Variants in WWOX observed in about 807,000 individuals in gnomAD.
WWOX encodes the protein WW domain-containing oxidoreductase.
Under a neutral mutation model 46.2 loss-of-function variants are expected in WWOX, and 69 were observed. The observed-to-expected ratio is 1.49, with a 90% CI of 1.23 to 1.82. WWOX has a LOEUF of 1.82. WWOX is among the 40% of genes most tolerant of loss of function. The probability of loss-of-function intolerance (pLI) is 0.00; values close to 1 mark genes in which losing one functional copy is unlikely to be tolerated. For synonymous variants in WWOX, 359 were observed against 202.6 expected (o/e 1.77, Z -6.56); for missense variants, 919 against 542.6 (o/e 1.69, Z -6.89).
intron 8 of WWOX, among the ~76,000 whole-genome samples, chr16:79,196,150 T>C (rs1174872535): frequency 6.6e-6 from 1 of 152,214 alleles, no homozygotes; most frequent in African/African-American, 2.4e-5. Flanking sequence ...TGAGCAAAAA[T>C]CATCCTCTTC....
chr16:78,593,270 G>T (rs1043511308), intron 8 of WWOX, among the ~76,000 whole-genome samples: 1 of 151,894 alleles, frequency 6.6e-6, no homozygotes, highest in African/African-American at 2.4e-5. Flanking sequence ...TAAACTCCTG[G>T]CCTCAAGCAA....
chr16:78,429,959 A>G (rs1889283040), intron 7 of WWOX, among the ~76,000 whole-genome samples: 1 of 152,026 alleles, frequency 6.6e-6, no homozygotes, highest in Non-Finnish European at 1.5e-5. Context: ...GGTATTGCAG[A>G]CTCCAGCACC....
intron 5 of WWOX, among the ~76,000 whole-genome samples, chr16:78,292,133 C>G (rs2079870453): frequency 6.8e-6 from 1 of 146,208 alleles, no homozygotes; most frequent in South Asian, 2.2e-4. Flanking sequence ...GTGGTGCAAT[C>G]TCAGCTCATT....
intron 5 of WWOX, among the ~76,000 whole-genome samples, chr16:78,186,703 TGCAGTGA>T (rs1170164161): frequency 6.6e-6 from 1 of 152,236 alleles, no homozygotes; most frequent in Non-Finnish European, 1.5e-5. Context: ...AGGCAGAGGT[TGCAGTGA>T]GCCAAGATCG....
chr16:78,906,267 G>C (rs562371115), intron 8 of WWOX, among the ~76,000 whole-genome samples: 8 of 152,298 alleles, frequency 5.3e-5, no homozygotes, highest in African/African-American at 1.9e-4. Flanking sequence ...GAAGAAGTAG[G>C]AGGCATAGCC....
chr16:78,381,647 A>G (rs892785654), intron 5 of WWOX, among the ~76,000 whole-genome samples: 3 of 152,212 alleles, frequency 2.0e-5, no homozygotes, highest in Admixed American at 1.3e-4. Context: ...AGAAGGAAGA[A>G]TGAAGATTTG....
At chr16:78,564,122 C>T (rs1404808620) in intron 8 of WWOX, among the ~76,000 whole-genome samples, 2 of 152,236 alleles carry the variant, frequency 1.3e-5, no homozygotes. Context: ...TTGCTGACAG[C>T]AGACACCTGC....
chr16:78,763,956 C>T (rs1168615691), intron 8 of WWOX, among the ~76,000 whole-genome samples: 1 of 152,192 alleles, frequency 6.6e-6, no homozygotes, highest in Non-Finnish European at 1.5e-5. Context: ...AAGCCCCACT[C>T]TCCCTCTGCC....
intron 8 of WWOX, among the ~76,000 whole-genome samples, chr16:78,445,068 G>C (rs2083528525): frequency 6.6e-6 from 1 of 152,044 alleles, no homozygotes; most frequent in Admixed American, 6.5e-5. Flanking sequence ...TAGTGAGCCA[G>C]GTGAGCTCAT....
chr16:78,340,089 C>T lies in WWOX; in HGVS notation c.517-46771C>T, dbSNP rs146398387. On this transcript the variant is annotated intron_variant, in intron 5 of 8. Transcript: ENST00000566780. ...TATTCTTGTTTCATGGATGATGTTA[C>T]TCTTTTAACTCTCTGATGTTAATGA... Among the ~76,000 whole-genome samples, 8 of 94,020 alleles carry T rather than the reference C, an allele frequency of 8.5e-5. No homozygotes were observed. The East Asian group carries it at 2.0e-3, about 24-fold the overall frequency. The allele number at this position is 94,020 out of a possible 152,430, so 61.7% of individuals were successfully genotyped here.
chr16:78,106,780 C>A (rs1338123187), intron 1 of WWOX, among the ~76,000 whole-genome samples: 1 of 152,170 alleles, frequency 6.6e-6, no homozygotes, highest in Non-Finnish European at 1.5e-5. Context: ...GGAGTTTGTC[C>A]TTGCTACTGA....
At chr16:78,775,630 G>T (rs1278339112) in intron 8 of WWOX, among the ~76,000 whole-genome samples, 1 of 152,156 alleles carries the variant, frequency 6.6e-6, no homozygotes, top group Non-Finnish European at 1.5e-5. Context: ...GCTCCAATGA[G>T]GATGAAAATG....
At position 78,786,634 on chromosome 16, in the gene WWOX, T is replaced by C. The variant is rs568342866; in HGVS notation, c.1056+353882T>C. Among the ~76,000 whole-genome samples the C allele has an allele frequency of 3.9e-5, 6 of 152,350 alleles. No homozygotes were observed. The East Asian group carries it at 5.8e-4, about 15-fold the overall frequency. On this transcript the variant is annotated intron_variant, in intron 8 of 8. Coordinates refer to ENST00000566780, the MANE Select transcript of WWOX (RefSeq NM_016373.4). ...TTAGTATATTCGCATGGTTATGTAA[T>C]TTTCATCAAAATCTAATTTTAGAGT...
chr16:78,384,097 C>T (rs1176328373), intron 5 of WWOX, among the ~76,000 whole-genome samples: 2 of 152,142 alleles, frequency 1.3e-5, no homozygotes, highest in Non-Finnish European at 2.9e-5. Flanking sequence ...AATGTTCTTC[C>T]TGTTTTATGG....
chr16:78,878,471 G>T (rs1382018677), intron 8 of WWOX, among the ~76,000 whole-genome samples: 2 of 152,100 alleles, frequency 1.3e-5, no homozygotes, highest in Non-Finnish European at 2.9e-5. Context: ...ATTTTATAGG[G>T]CTTGGGGGAG....
intron 5 of WWOX, among the ~76,000 whole-genome samples, chr16:78,322,964 A>G (rs1311411878): frequency 6.6e-6 from 1 of 152,210 alleles, no homozygotes; most frequent in Non-Finnish European, 1.5e-5. Flanking sequence ...TACAAGCCCT[A>G]CAAACACTGG....
Position 78,341,011 on chromosome 16 carries a change from C to T in WWOX, c.517-45849C>T, listed in dbSNP as rs1371492626. 2.5e-5 allele frequency among the ~76,000 whole-genome samples: 3 copies of T among 118,678 alleles called. 1 individual carries two copies. The highest frequency in any genetic ancestry group is 8.6e-5 in the African/African-American group (3 of 34,916). 77.9% of individuals were successfully genotyped at this position (118,678 alleles called of 152,430 possible). A position where few individuals can be genotyped will look rare whatever the true frequency, so the allele number is the denominator to read the frequency against. On this transcript the variant is annotated intron_variant, in intron 5 of 8. Coordinates refer to ENST00000566780, the MANE Select transcript of WWOX (RefSeq NM_016373.4). The stretch of plus-strand genomic sequence containing the variant: ...GGTTTCTAAAAGGTTGTCTTTCAAC[C>T]CCATTTTCAGAAGTACCAGGTTCCA...
At chr16:78,473,904 A>C (rs2084294182) in intron 8 of WWOX, among the ~76,000 whole-genome samples, 1 of 152,162 alleles carries the variant, frequency 6.6e-6, no homozygotes, top group African/African-American at 2.4e-5. Flanking sequence ...TACCGTATTA[A>C]TTTAGGGATG....
chr16:79,068,453 A>G (rs2048482495), intron 8 of WWOX, among the ~76,000 whole-genome samples: 1 of 152,036 alleles, frequency 6.6e-6, no homozygotes, highest in African/African-American at 2.4e-5. Flanking sequence ...TGAATGCACA[A>G]TCATATGTTC....
Sources: allele counts gnomAD v4.1 joint callset (sites outside exome capture counted in the v4.1 genomes callset), GRCh38; gene constraint gnomAD v4.1.1; transcripts MANE v1.5; gene names NCBI Gene and HGNC (gene_info 2026-07-23, HGNC 2026-07-21).